STOX2: variants seen among roughly 807,000 people sequenced by gnomAD.
STOX2 encodes storkhead box 2.
Under a neutral mutation model 60.9 loss-of-function variants are expected in STOX2, and 28 were observed. The observed-to-expected ratio is 0.46, with a 90% CI of 0.34 to 0.63. STOX2 has a LOEUF of 0.63. Ranked by LOEUF, STOX2 falls within the 30% of genes least tolerant of loss-of-function variation. The pLI, the probability that STOX2 is intolerant of heterozygous loss-of-function variation, is 0.01. For synonymous variants in STOX2, 472 were observed against 463.9 expected, an observed-to-expected ratio of 1.02 and a Z score of -0.22; for missense variants, 1,024 against 1,187.7, an observed-to-expected ratio of 0.86 and a Z score of 2.03.
rs1560857952 is a variant in STOX2, at chr4:183,874,993, A to AT, written c.364+76938_364+76939insT. 8.0e-4 allele frequency among the ~76,000 whole-genome samples: 93 copies of AT among 115,994 alleles called. 1 individual carries two copies. The highest frequency in any genetic ancestry group is 2.9e-3 in the African/African-American group (90 of 30,690). The allele number at this position is 115,994 out of a possible 152,430, so 76.1% of individuals were successfully genotyped here. ...TATATATATATATATATATATATAT[A>AT]AAACTTAGAATTTTGCAGTGTGAAT... On this transcript the variant is annotated intron_variant, in intron 1 of 2. Transcript: ENST00000513034.
At chr4:183,898,197 C>T (rs1741379917) in intron 1 of STOX2, among the ~76,000 whole-genome samples, 1 of 152,080 alleles carries the variant, frequency 6.6e-6, no homozygotes, top group African/African-American at 2.4e-5. Context: ...TTGACTCGGG[C>T]CTTCAGGAGA....
At chr4:183,887,664 C>G (rs888406564) in intron 1 of STOX2, among the ~76,000 whole-genome samples, 2 of 152,244 alleles carry the variant, frequency 1.3e-5, no homozygotes, top group African/African-American at 4.8e-5. Flanking sequence ...AGATTTTGGA[C>G]TTCGCTCAAG....
At chr4:183,837,385 A>G (rs780276933) in intron 1 of STOX2, among the ~76,000 whole-genome samples, 4 of 151,750 alleles carry the variant, frequency 2.6e-5, no homozygotes, top group Non-Finnish European at 5.9e-5. Flanking sequence ...GGTACTTCCT[A>G]TAAGTGGAAT....
chr4:183,801,756 A>G (rs1738768681), intron 1 of STOX2, among the ~76,000 whole-genome samples: 1 of 152,108 alleles, frequency 6.6e-6, no homozygotes, highest in Non-Finnish European at 1.5e-5. Flanking sequence ...GTGATAAGAC[A>G]ATGGAAAGGT....
At chr4:183,953,195 A>C (rs1743143722) in intron 1 of STOX2, among the ~76,000 whole-genome samples, 2 of 151,980 alleles carry the variant, frequency 1.3e-5, no homozygotes, top group Non-Finnish European at 2.9e-5. Context: ...AATTTTAAAA[A>C]AAAAAGTGTG....
rs754313650 is a variant in STOX2 at position 184,009,375 on chromosome 4, G to A, written c.537G>A (p.Thr179=). ...CCTCTCCGCAACCCGGGACCATCACGCCCTCTGCCTCAGGCTGTGTCAGGG... is the reference window on the plus strand; with the variant it reads ...CCTCTCCGCAACCCGGGACCATCACACCCTCTGCCTCAGGCTGTGTCAGGG... ...QCTSPQPGTI[T]PSASGCVRER... Residue 179 remains threonine (T), a synonymous_variant, in exon 3 of 4, where the codon ACG becomes ACA. Transcript: ENST00000308497. The surrounding 1 kb of genome is among the most constrained non-coding windows in gnomAD (Gnocchi z 4.0). 1.9e-6 allele frequency: 3 copies of A among 1,613,942 alleles called. No individual in the cohort carries two copies. Among genetic ancestry groups the A allele is most frequent in the Middle Eastern group, 1.6e-4 (1 of 6,062 alleles).
intron 1 of STOX2, among the ~76,000 whole-genome samples, chr4:183,823,545 A>G (rs1056248281): frequency 6.6e-6 from 1 of 152,228 alleles, no homozygotes; most frequent in African/African-American, 2.4e-5. Context: ...CCTTAGGCTC[A>G]TAGACCTGGA....
chr4:183,896,990 A>G (rs968936709), intron 1 of STOX2, among the ~76,000 whole-genome samples: 8 of 152,174 alleles, frequency 5.3e-5, no homozygotes, highest in Non-Finnish European at 1.5e-5. Context: ...TCACAAAGAC[A>G]TTGTGGTGAG....
Position 184,010,492 on chromosome 4 carries a change from A to G in STOX2, c.1654A>G (p.Lys552Glu), listed in dbSNP as rs1433188309. Residue 552 changes from lysine (K) to glutamate (E), a missense_variant, in exon 3 of 4, where the codon AAA (lysine) becomes GAA (glutamate). Lys to Glu is a moderately conservative substitution (Grantham distance 56). Around this residue, in one of 3 missense-constraint regions of STOX2, gnomAD observed 922 missense variants for 1,058.3 expected, o/e 0.87. Transcript: ENST00000308497. The surrounding 1 kb of genome is among the most constrained non-coding windows in gnomAD (Gnocchi z 4.5). ...GGCTCACATTTCGTCCACAAGCTATAAAGAGGTGTGTATTCCAGAGATAGT... is the reference window on the plus strand; with the variant it reads ...GGCTCACATTTCGTCCACAAGCTATGAAGAGGTGTGTATTCCAGAGATAGT... ...QRAHISSTSY[K>E]EVCIPEIVSG... 1 of 1,613,868 alleles carries G rather than the reference A, an allele frequency of 6.2e-7. No homozygotes were observed. Among genetic ancestry groups the G allele is most frequent in the East Asian group, 2.2e-5 (1 of 44,882 alleles).
rs1733575854 is a variant in STOX2, at chr4:184,001,189, G to A, written c.167-136G>A. The A allele has an allele frequency of 2.6e-6, 2 of 756,074 alleles. No individual in the cohort carries two copies. Among genetic ancestry groups the A allele is most frequent in the African/African-American group, 1.7e-5 (1 of 57,382 alleles). The allele number at this position is 756,074 out of a possible 1,614,324, so 46.8% of individuals were successfully genotyped here. ...GGCTGTGGCTTCTGTGTTCAGAGTG[G>A]AATTGGCAAGCAGCTGCTATGTTCG... is the stretch of plus-strand genomic sequence containing the variant. On this transcript the variant is annotated intron_variant, in intron 1 of 3. Coordinates refer to ENST00000308497, the MANE Select transcript of STOX2 (RefSeq NM_020225.3). The surrounding 1 kb of genome is among the most constrained non-coding windows in gnomAD (Gnocchi z 4.2).
rs138734587 is a variant in STOX2 at position 183,849,989 on chromosome 4, G to A, written c.364+51934G>A. ...TTTCTTTCTTTTTTTTTGAGATGGA[G>A]TTTCACTCTTGTTGTCCAGGCTGTA... On this transcript the variant is annotated intron_variant, in intron 1 of 2. Coordinates refer to the STOX2 transcript ENST00000513034. 6.8e-3 allele frequency among the ~76,000 whole-genome samples: 1,021 copies of A among 150,816 alleles called. 8 individuals are homozygous for A. Among genetic ancestry groups the A allele is most frequent in the African/African-American group, 0.024 (989 of 41,082 alleles).
At chr4:183,917,556 T>C (rs994523141) in intron 1 of STOX2, among the ~76,000 whole-genome samples, 1 of 152,222 alleles carries the variant, frequency 6.6e-6, no homozygotes, top group African/African-American at 2.4e-5. Context: ...TTCAAATAAC[T>C]GAAAGAAGTA....
In STOX2 at chr4:183,874,960, T is replaced by A. The variant is rs1332397215; in HGVS notation, c.364+76905T>A. Among the ~76,000 whole-genome samples the A allele has an allele frequency of 2.2e-3, 125 of 57,228 alleles. 1 individual carries two copies. The highest frequency in any genetic ancestry group is 5.6e-3 in the African/African-American group (64 of 11,482). 37.5% of individuals were successfully genotyped at this position (57,228 alleles called of 152,430 possible). Reference sequence around the variant, plus strand: ...AAAAAAAAAAAAAAAAAAATATATATATATATATATATATATATATATATA... The same window carrying A: ...AAAAAAAAAAAAAAAAAAATATATAAATATATATATATATATATATATATA... On this transcript the variant is annotated intron_variant, in intron 1 of 2. Coordinates refer to the STOX2 transcript ENST00000513034.
chr4:183,980,253 A>G (rs112231172), intron 1 of STOX2, among the ~76,000 whole-genome samples: 1 of 152,220 alleles, frequency 6.6e-6, no homozygotes, highest in African/African-American at 2.4e-5. Flanking sequence ...TACATTAAAG[A>G]TGTTAGTAGG....
chr4:183,980,836 G>A (rs202220725), intron 1 of STOX2, among the ~76,000 whole-genome samples: 1 of 151,922 alleles, frequency 6.6e-6, no homozygotes, highest in Non-Finnish European at 1.5e-5. Context: ...GGCAGTCTTT[G>A]CCACCTTCAT....
Position 184,010,538 on chromosome 4 carries a change from C to A in STOX2, c.1700C>A (p.Ser567Tyr). Reference protein sequence around the residue: ...PEIVSGSKEPSSACSLLEPGK... With the variant: ...PEIVSGSKEPYSACSLLEPGK... ...ATAGTCAGTGGCAGCAAGGAACCGT[C>A]CAGCGCTTGCAGCCTTTTGGAGCCA... The change falls in exon 3 of 4, where the codon TCC (serine) becomes TAC (tyrosine). Residue 567 changes from serine (S) to tyrosine (Y), a missense_variant. Ser to Tyr is a moderately radical substitution (Grantham distance 144). Transcript: ENST00000308497. This position sits in a 1 kb window ranked among gnomAD's most constrained non-coding sequence, Gnocchi z 4.5. 6.2e-7 allele frequency: 1 copy of A among 1,613,930 alleles called. No homozygotes were observed. Among genetic ancestry groups the A allele is most frequent in the South Asian group, 1.1e-5 (1 of 91,060 alleles).
At chr4:183,896,530 C>T (rs372478799) in intron 1 of STOX2, among the ~76,000 whole-genome samples, 41 of 152,138 alleles carry the variant, frequency 2.7e-4, no homozygotes, top group Admixed American at 4.6e-4. Flanking sequence ...TTCATAGAGA[C>T]GGGATCTTGT....
intron 1 of STOX2, among the ~76,000 whole-genome samples, chr4:183,956,447 T>TATC (rs1485790963): frequency 7.0e-6 from 1 of 142,596 alleles, no homozygotes; most frequent in Non-Finnish European, 1.5e-5. Context: ...TTCATCTATC[T>TATC]ATCTATCTAT....
At chr4:183,855,462 C>T (rs769223690) in intron 1 of STOX2, among the ~76,000 whole-genome samples, 3 of 151,758 alleles carry the variant, frequency 2.0e-5, no homozygotes, top group African/African-American at 4.8e-5. Flanking sequence ...GTCCTAGAAA[C>T]GTTCATATCA....
Sources: allele counts gnomAD v4.1 joint callset (sites outside exome capture counted in the v4.1 genomes callset), GRCh38; gene constraint gnomAD v4.1.1; regional missense constraint gnomAD v4.1.1; non-coding constraint Gnocchi (gnomAD v3.1); transcripts MANE v1.5; gene names NCBI Gene and HGNC (gene_info 2026-07-23, HGNC 2026-07-21).